GPR137: variants seen among roughly 807,000 people sequenced by gnomAD.
GPR137 encodes the protein G protein-coupled receptor 137.
In GPR137, 20 loss-of-function variants were observed where a neutral mutation model predicts 38.9. The ratio of observed to expected loss-of-function variants is 0.51; its 90% CI spans 0.36 to 0.75. GPR137 has a LOEUF of 0.75. GPR137 is among the 30% of genes least tolerant of loss of function. GPR137 has a pLI of 0.00. For missense variants in GPR137, 456 were observed against 526.4 expected (o/e 0.87, Z 1.31); for synonymous variants, 226 against 235.8 (o/e 0.96, Z 0.38).
chr11:64,274,605 G>A (rs1158206872), upstream of GPR137, among the ~76,000 whole-genome samples: 1 of 151,884 alleles, frequency 6.6e-6, no homozygotes, highest in East Asian at 1.9e-4. Flanking sequence ...GGTGGATCAC[G>A]AGGTCAGGAG....
Position 64,286,280 on chromosome 11 carries a change from T to A in GPR137, c.-245T>A. The A allele has an allele frequency of 5.8e-6, 8 of 1,385,532 alleles. No individual in the cohort carries two copies. The highest frequency in any genetic ancestry group is 7.4e-6 in the Non-Finnish European group (8 of 1,074,140). The allele number at this position is 1,385,532 out of a possible 1,614,324, so 85.8% of individuals were successfully genotyped here. A position where few individuals can be genotyped will look rare whatever the true frequency, so the allele number is the denominator to read the frequency against. On this transcript the variant is annotated 5_prime_UTR_variant, in exon 1 of 7. Transcript: ENST00000438980. ...CCCCCAACCCCTATCCGGTCTGTCC[T>A]GGAGAAAAGAGACTGCCCTTCCATG...
upstream of GPR137, among the ~76,000 whole-genome samples, chr11:64,274,303 C>T (rs1228222377): frequency 6.6e-5 from 10 of 152,022 alleles, no homozygotes; most frequent in East Asian, 5.8e-4. Context: ...AGGACAATGG[C>T]GTGAACCCGG....
upstream of GPR137, among the ~76,000 whole-genome samples, chr11:64,282,515 G>C (rs1288922926): frequency 1.3e-5 from 2 of 152,042 alleles, no homozygotes; most frequent in Non-Finnish European, 2.9e-5. Context: ...CAGGAGGATC[G>C]TTTGAGCCCA....
upstream of GPR137, chr11:64,285,563 G>C (rs2033874501): frequency 1.0e-6 from 1 of 983,944 alleles, no homozygotes; most frequent in African/African-American, 1.7e-5. Flanking sequence ...ACCCCGATTT[G>C]GGTATAGGAG....
In GPR137 at chr11:64,278,871, G is replaced by A. The variant is rs533075761; in HGVS notation, c.-16+2450G>A. 1.8e-4 allele frequency among the ~76,000 whole-genome samples: 27 copies of A among 152,356 alleles called. No individual in the cohort carries two copies. The South Asian group carries it at 5.4e-3, about 30-fold the overall frequency. On this transcript the variant is annotated intron_variant, in intron 2 of 2. Coordinates refer to the GPR137 transcript ENST00000538244. ...CGCAGGTAGAGAGGGCAGAGGCCCC[G>A]TGGCTCTGGCGGGGCACTGGCACTT...
chr11:64,285,101 C>T (rs1410250819), upstream of GPR137: 1 of 1,062,666 alleles, frequency 9.4e-7, no homozygotes, highest in East Asian at 7.3e-5. Context: ...AACTGAAGCT[C>T]AGCCGTCGGA....
chr11:64,288,257 C>A lies in GPR137; in HGVS notation c.783+43C>A. 6.2e-7 allele frequency: 1 copy of A among 1,610,140 alleles called. No individual in the cohort carries two copies. ...TGCCACCTCCTTAGTAGCCGTGGCACCTTGGCCCCAGCTGGCCTGGGCCCT... is the reference window on the plus strand; with the variant it reads ...TGCCACCTCCTTAGTAGCCGTGGCAACTTGGCCCCAGCTGGCCTGGGCCCT... On this transcript the variant is annotated intron_variant, in intron 4 of 6. Transcript: ENST00000438980. The surrounding 1 kb of genome is among the most constrained non-coding windows in gnomAD (Gnocchi z 5.5).
In GPR137 at chr11:64,288,154, C is replaced by T; in HGVS notation, c.723C>T (p.Ala241=). 1 of 1,613,104 alleles carries T rather than the reference C, an allele frequency of 6.2e-7. No homozygotes were observed. The highest frequency in any genetic ancestry group is 2.2e-5 in the East Asian group (1 of 44,884). ...SRACYNLTAL[A]LAPQSRLDTF... is the part of the protein sequence containing the mutation. ...CCTGCTACAACCTGACAGCACTGGC[C>T]TTGGCCCCCCAGAGCCGGCTGGACA... The change falls in exon 4 of 7, where the codon GCC becomes GCT. Residue 241 remains alanine (A), a synonymous_variant. Coordinates refer to ENST00000438980, the MANE Select transcript of GPR137 (RefSeq NM_001170880.2). This position sits in a 1 kb window ranked among gnomAD's most constrained non-coding sequence, Gnocchi z 5.5.
chr11:64,271,530 CGT>C, upstream of GPR137: 1 of 1,312,072 alleles, frequency 7.6e-7, no homozygotes, highest in Non-Finnish European at 9.8e-7. Flanking sequence ...CAGATCCGGG[CGT>C]GCCTTGGGAC....
chr11:64,277,427 A>G (rs2033150380), intron 2 of GPR137, among the ~76,000 whole-genome samples: 1 of 152,178 alleles, frequency 6.6e-6, no homozygotes, highest in Non-Finnish European at 1.5e-5. Context: ...TAAAGTTGGC[A>G]AATGTTTCCT....
chr11:64,289,397 C>T lies in GPR137; in HGVS notation c.*201C>T, dbSNP rs374962452. ...GGGCATGGCCCTGGCTGCCAGATGC[C>T]CACAGCACCCTGGCATGACCTGCCA... is the stretch of plus-strand genomic sequence containing the variant. On this transcript the variant is annotated 3_prime_UTR_variant, in exon 7 of 7. Coordinates refer to ENST00000438980, the MANE Select transcript of GPR137 (RefSeq NM_001170880.2). 5 of 1,549,280 alleles carry T rather than the reference C, an allele frequency of 3.2e-6. No homozygotes were observed. Among genetic ancestry groups the T allele is most frequent in the Non-Finnish European group, 4.4e-6 (5 of 1,148,308 alleles).
Position 64,288,988 on chromosome 11 carries a change from CTG to C in GPR137, c.1032-46_1032-45del. On this transcript the variant is annotated intron_variant, in intron 6 of 6. Transcript: ENST00000438980. This position sits in a 1 kb window ranked among gnomAD's most constrained non-coding sequence, Gnocchi z 5.5. ...TGTCTTCCTCCTGCAGCTCTTGTGA[CTG>C]TGGCCCTGGTCACTGTCCTGAGACT... The C allele has an allele frequency of 6.8e-7, 1 of 1,478,138 alleles. No homozygotes were observed. Among genetic ancestry groups the C allele is most frequent in the East Asian group, 2.5e-5 (1 of 40,586 alleles). The allele number at this position is 1,478,138 out of a possible 1,614,324, so 91.6% of individuals were successfully genotyped here. A position where few individuals can be genotyped will look rare whatever the true frequency, so the allele number is the denominator to read the frequency against.
upstream of GPR137, among the ~76,000 whole-genome samples, chr11:64,283,115 C>G (rs185861247): frequency 6.6e-6 from 1 of 152,116 alleles, no homozygotes; most frequent in African/African-American, 2.4e-5. Flanking sequence ...CTGAGAGAAT[C>G]GAGTGTGGGT....
rs190138662 is a variant in GPR137, at chr11:64,288,528, G to A, written c.912+60G>A. The A allele has an allele frequency of 1.6e-3, 2,549 of 1,613,296 alleles. 42 individuals are homozygous for A. In the South Asian group the frequency reaches 0.024, roughly 15 times the overall value. On this transcript the variant is annotated intron_variant, in intron 5 of 6. Coordinates refer to ENST00000438980, the MANE Select transcript of GPR137 (RefSeq NM_001170880.2). The surrounding 1 kb of genome is among the most constrained non-coding windows in gnomAD (Gnocchi z 5.5). ...GAGGGGGCGGATGTTGCAAATCCTG[G>A]GTTGGAGTCTGGGGTTGGGCCTGGG...
upstream of GPR137, chr11:64,285,612 AGGC>A (rs1490721142): frequency 7.1e-6 from 7 of 983,912 alleles, no homozygotes; most frequent in Non-Finnish European, 8.4e-6. Context: ...ATACAAGTAA[AGGC>A]GGGCGGCACG....
Position 64,288,927 on chromosome 11 carries a change from C to T in GPR137, c.1032-110C>T. On this transcript the variant is annotated intron_variant, in intron 6 of 6. Transcript: ENST00000438980. The surrounding 1 kb of genome is among the most constrained non-coding windows in gnomAD (Gnocchi z 5.5). ...CTAGAGATGTACTTTGTCCTGGGCCCCGAAGGTCTAGGTCACAGGGGTTCT... is the reference window on the plus strand; with the variant it reads ...CTAGAGATGTACTTTGTCCTGGGCCTCGAAGGTCTAGGTCACAGGGGTTCT... 6.9e-7 allele frequency: 1 copy of T among 1,443,226 alleles called. No homozygotes were observed. The highest frequency in any genetic ancestry group is 9.1e-7 in the Non-Finnish European group (1 of 1,103,522). The allele number at this position is 1,443,226 out of a possible 1,614,324, so 89.4% of individuals were successfully genotyped here. A position where few individuals can be genotyped will look rare whatever the true frequency, so the allele number is the denominator to read the frequency against.
Position 64,286,153 on chromosome 11 carries a change from C to T in GPR137, c.-372C>T, listed in dbSNP as rs566144011. 51 of 1,035,788 alleles carry T rather than the reference C, an allele frequency of 4.9e-5. No individual in the cohort carries two copies. In the East Asian group the frequency reaches 3.4e-3, roughly 68 times the overall value. The allele number at this position is 1,035,788 out of a possible 1,614,324, so 64.2% of individuals were successfully genotyped here. A position where few individuals can be genotyped will look rare whatever the true frequency, so the allele number is the denominator to read the frequency against. ...CCGACGGGTATCAGCCGGCTCTCCC[C>T]CTCCACCCAGGACGACATGAACGAC... is the stretch of plus-strand genomic sequence containing the variant. On this transcript the variant is annotated 5_prime_UTR_variant, in exon 1 of 7. Transcript: ENST00000438980.
chr11:64,288,661 G>A lies in GPR137; in HGVS notation c.971G>A (p.Arg324Gln), dbSNP rs370539837. The part of the protein sequence containing the change: ...VFASRSYFFD[R>Q]AGHCEDEGCS... ...GCCTCTCGGTCCTACTTCTTTGACC[G>A]GGCTGGGCACTGTGAAGATGAGGGC... is the stretch of plus-strand genomic sequence containing the variant. Residue 324 changes from arginine (R) to glutamine (Q), a missense_variant, in exon 6 of 7, where the codon CGG (arginine) becomes CAG (glutamine). Transcript: ENST00000438980. The surrounding 1 kb of genome is among the most constrained non-coding windows in gnomAD (Gnocchi z 5.5). 31 of 1,602,006 alleles carry A rather than the reference G, an allele frequency of 1.9e-5. No individual in the cohort carries two copies. Among genetic ancestry groups the A allele is most frequent in the African/African-American group, 1.7e-4 (13 of 74,702 alleles).
upstream of GPR137, among the ~76,000 whole-genome samples, chr11:64,279,790 C>T (rs79429697): frequency 6.6e-6 from 1 of 151,136 alleles, no homozygotes; most frequent in African/African-American, 2.4e-5. Context: ...AAAAATCCCC[C>T]TCTATCCCAC....
Sources: gnomAD v4.1 joint callset for allele counts (sites outside exome capture counted in the v4.1 genomes callset) on GRCh38, gnomAD v4.1.1 for gene constraint, Gnocchi (gnomAD v3.1) non-coding constraint, MANE v1.5 for transcripts, NCBI Gene and HGNC (gene_info 2026-07-23, HGNC 2026-07-21) for gene names.